Variants in MAMDC2 observed in about 807,000 individuals in gnomAD.
The protein encoded by MAMDC2 is MAM domain-containing protein 2.
A neutral mutation model predicts 89.8 loss-of-function variants in MAMDC2; 57 were observed. That is an observed-to-expected ratio of 0.63 (90% CI 0.51 to 0.79). The LOEUF (loss-of-function observed/expected upper bound fraction) is 0.79. Among genes scored for constraint, MAMDC2 ranks in the 30% least tolerant of loss-of-function variants. The pLI is 0.00. For missense variants in MAMDC2, 800 were observed against 820.6 expected (o/e 0.97, Z 0.31); for synonymous variants, 313 against 293.4 (o/e 1.07, Z -0.68).
chr9:70,076,739 G>C (rs1029552565), intron 2 of MAMDC2, among the ~76,000 whole-genome samples: 6 of 152,180 alleles, frequency 3.9e-5, no homozygotes, highest in African/African-American at 1.4e-4. Context: ...GCTTGTGGTA[G>C]AATGTTTTAT....
intron 2 of MAMDC2, chr9:70,092,561 G>A (rs1290200667): frequency 6.6e-6 from 1 of 152,166 alleles, no homozygotes; most frequent in Admixed American, 6.5e-5. Context: ...GACTGCCTAA[G>A]TAGGGGTTTC....
At chr9:70,185,341 A>G (rs1473855877) in intron 11 of MAMDC2, among the ~76,000 whole-genome samples, 1 of 152,170 alleles carries the variant, frequency 6.6e-6, no homozygotes, top group African/African-American at 2.4e-5. Context: ...GGTCTCTTCC[A>G]GTCAGGAGGC....
chr9:70,159,201 C>T lies in MAMDC2; in HGVS notation c.1405-9501C>T, dbSNP rs934973116. Among the ~76,000 whole-genome samples the T allele has an allele frequency of 5.9e-5, 9 of 152,112 alleles. No individual in the cohort carries two copies. In the East Asian group the frequency reaches 9.6e-4, roughly 16 times the overall value. On this transcript the variant is annotated intron_variant, in intron 9 of 13. Coordinates refer to ENST00000377182, the MANE Select transcript of MAMDC2 (RefSeq NM_153267.5). ...TTAATTACATGAATAAAAAAGGAAG[C>T]GCTCAAACATGCATACTTTATTACA...
chr9:70,080,880 A>T (rs903130929), intron 2 of MAMDC2, among the ~76,000 whole-genome samples: 1 of 152,118 alleles, frequency 6.6e-6, no homozygotes, highest in African/African-American at 2.4e-5. Context: ...CTGTCAAATG[A>T]AGAGAGATTT....
intron 9 of MAMDC2, among the ~76,000 whole-genome samples, chr9:70,147,593 A>G (rs917203090): frequency 2.0e-5 from 3 of 150,164 alleles, no homozygotes; most frequent in Non-Finnish European, 4.4e-5. Context: ...ACACCCCACC[A>G]TGTTAAAATG....
chr9:70,126,341 T>G lies in MAMDC2; in HGVS notation c.826T>G (p.Trp276Gly). The G allele has an allele frequency of 6.2e-7, 1 of 1,614,168 alleles. No individual in the cohort carries two copies. The highest frequency in any genetic ancestry group is 8.5e-7 in the Non-Finnish European group (1 of 1,180,020). Residue 276 changes from tryptophan to glycine, a missense_variant, in exon 6 of 14, where the codon TGG becomes GGG. Transcript: ENST00000377182. ...RDVAGLYEEI[W>G]KADRPGNAAW... ...TGTGGCTGGCCTTTACGAGGAAATC[T>G]GGAAAGCAGACAGGCCAGGGAATGC...
intron 11 of MAMDC2, among the ~76,000 whole-genome samples, chr9:70,213,830 C>T (rs1273573935): frequency 2.8e-4 from 42 of 152,166 alleles, no homozygotes; most frequent in Admixed American, 2.7e-3. Flanking sequence ...TTTGATAAGA[C>T]TTTAATTTTA....
At position 70,168,759 on chromosome 9, in the gene MAMDC2, G is replaced by A. The variant is rs535376055; in HGVS notation, c.1462G>A (p.Asp488Asn). The change falls in exon 10 of 14, where the codon GAC becomes AAC. Residue 488 changes from aspartate to asparagine, a missense_variant. Transcript: ENST00000377182. Reference protein sequence around the residue: ...FWDCGLVALDDITIQLGSCSS... With the variant: ...FWDCGLVALDNITIQLGSCSS... ...GGACTGTGGGCTTGTAGCCCTGGAT[G>A]ACATTACAATACAATTGGGAAGCTG... 1 of 1,614,082 alleles carries A rather than the reference G, an allele frequency of 6.2e-7. No individual in the cohort carries two copies. Among genetic ancestry groups the A allele is most frequent in the East Asian group, 2.2e-5 (1 of 44,882 alleles).
intron 11 of MAMDC2, among the ~76,000 whole-genome samples, chr9:70,176,347 G>T (rs769653990): frequency 5.3e-5 from 8 of 152,110 alleles, no homozygotes; most frequent in Non-Finnish European, 1.0e-4. Context: ...GTATTGCTTT[G>T]TCTAAAGAAA....
chr9:70,093,536 C>T (rs1295187179), intron 2 of MAMDC2, among the ~76,000 whole-genome samples: 1 of 151,766 alleles, frequency 6.6e-6, no homozygotes, highest in Non-Finnish European at 1.5e-5. Flanking sequence ...AGCAGTTCTC[C>T]TTCCTCAGCC....
chr9:70,079,094 C>G (rs891766802), intron 2 of MAMDC2, among the ~76,000 whole-genome samples: 1 of 152,136 alleles, frequency 6.6e-6, no homozygotes, highest in Non-Finnish European at 1.5e-5. Context: ...CCAGCCTCCC[C>G]CTAGCTAGTG....
chr9:70,209,211 G>A lies in MAMDC2; in HGVS notation c.1652-9126G>A, dbSNP rs553427946. Among the ~76,000 whole-genome samples the A allele has an allele frequency of 3.9e-3, 598 of 152,278 alleles. 3 individuals are homozygous for A. Among genetic ancestry groups the A allele is most frequent in the African/African-American group, 0.013 (553 of 41,548 alleles). On this transcript the variant is annotated intron_variant, in intron 11 of 13. Transcript: ENST00000377182. ...AATAGTTTCAGAAGGAATTGTACCAGCTCCTCTTTGTACCTCTGGTAGAAT... is the reference window on the plus strand; with the variant it reads ...AATAGTTTCAGAAGGAATTGTACCAACTCCTCTTTGTACCTCTGGTAGAAT...
At chr9:70,141,722 T>A (rs1480954047) in intron 8 of MAMDC2, among the ~76,000 whole-genome samples, 1 of 152,118 alleles carries the variant, frequency 6.6e-6, no homozygotes, top group Non-Finnish European at 1.5e-5. Context: ...AAACAAAGGA[T>A]GATAAAATTG....
intron 2 of MAMDC2, among the ~76,000 whole-genome samples, chr9:70,103,945 G>A (rs1328991541): frequency 6.6e-6 from 1 of 151,124 alleles, no homozygotes; most frequent in African/African-American, 2.4e-5. Context: ...TCACGCCACT[G>A]CATTCCAGCC....
At chr9:70,209,368 T>C (rs2033301631) in intron 11 of MAMDC2, among the ~76,000 whole-genome samples, 1 of 152,206 alleles carries the variant, frequency 6.6e-6, no homozygotes, top group Non-Finnish European at 1.5e-5. Context: ...GGAGGGCATA[T>C]GTGTTGAGGA....
intron 11 of MAMDC2, among the ~76,000 whole-genome samples, chr9:70,185,806 C>G (rs769990981): frequency 6.6e-6 from 1 of 152,200 alleles, no homozygotes; most frequent in African/African-American, 2.4e-5. Flanking sequence ...TGTTTCTTAG[C>G]TTGCTGGGTT....
At chr9:70,078,714 A>G (rs1357850107) in intron 2 of MAMDC2, among the ~76,000 whole-genome samples, 1 of 152,118 alleles carries the variant, frequency 6.6e-6, no homozygotes, top group Non-Finnish European at 1.5e-5. Flanking sequence ...GTAGGATGTA[A>G]TTGCTACCTC....
At chr9:70,139,298 A>AGT (rs2031116000) in intron 7 of MAMDC2, among the ~76,000 whole-genome samples, 1 of 108,864 alleles carries the variant, frequency 9.2e-6, no homozygotes, top group Non-Finnish European at 1.8e-5. Context: ...CAGTCCCCAG[A>AGT]GTGTGATGTT....
chr9:70,064,595 G>T (rs1413985396), intron 2 of MAMDC2, among the ~76,000 whole-genome samples: 1 of 152,162 alleles, frequency 6.6e-6, no homozygotes, highest in East Asian at 1.9e-4. Context: ...GTGAGTGTGT[G>T]TGAGTGTTTG....
Sources: allele counts gnomAD v4.1 joint callset (sites outside exome capture counted in the v4.1 genomes callset), GRCh38; gene constraint gnomAD v4.1.1; transcripts MANE v1.5; gene names NCBI Gene and HGNC (gene_info 2026-07-23, HGNC 2026-07-21).